The following KCNQ5 variants were observed in gnomAD, a reference collection of about 807,000 sequenced individuals.
KCNQ5 encodes potassium voltage-gated channel subfamily KQT member 5.
In KCNQ5, 30 loss-of-function variants were observed where a neutral mutation model predicts 98.2. That is an observed-to-expected ratio of 0.31 (90% CI 0.23 to 0.41). KCNQ5 has a LOEUF of 0.41. Among genes scored for constraint, KCNQ5 ranks in the 10% least tolerant of loss-of-function variants. The probability of loss-of-function intolerance (pLI) is 1.00; values close to 1 mark genes in which losing one functional copy is unlikely to be tolerated. For synonymous variants in KCNQ5, 458 were observed against 449.4 expected (o/e 1.02, Z -0.24); for missense variants, 835 against 1,182.5 (o/e 0.71, Z 4.31).
intron 1 of KCNQ5, among the ~76,000 whole-genome samples, chr6:72,941,501 TTTTTCTC>T (rs1418743424): frequency 4.5e-4 from 58 of 127,992 alleles, no homozygotes; most frequent in Admixed American, 6.3e-4. Flanking sequence ...CTTTCCTTCC[TTTTTCTC>T]TCCCTCCCTT....
intron 1 of KCNQ5, among the ~76,000 whole-genome samples, chr6:72,663,528 A>G (rs1766634011): frequency 6.6e-6 from 1 of 152,212 alleles, no homozygotes; most frequent in Non-Finnish European, 1.5e-5. Context: ...CTAAAATTAA[A>G]TGAAGTTTTT....
At chr6:72,987,206 G>A in intron 1 of KCNQ5, 1 of 688,622 alleles carries the variant, frequency 1.5e-6, no homozygotes, top group Non-Finnish European at 2.8e-6. Flanking sequence ...AGCCGGCTCT[G>A]AAAAGGAAGA....
chr6:72,928,571 C>T (rs1765544530), intron 1 of KCNQ5, among the ~76,000 whole-genome samples: 1 of 151,840 alleles, frequency 6.6e-6, no homozygotes, highest in South Asian at 2.1e-4. Flanking sequence ...GCAGAAGGCC[C>T]CATAGATTTT....
intron 1 of KCNQ5, among the ~76,000 whole-genome samples, chr6:72,770,014 A>T (rs747152057): frequency 6.6e-6 from 1 of 152,120 alleles, no homozygotes; most frequent in Non-Finnish European, 1.5e-5. Flanking sequence ...CTTTCAATAA[A>T]AGAAACAGAA....
chr6:72,831,400 T>TA (rs1582376016), intron 1 of KCNQ5, among the ~76,000 whole-genome samples: 1 of 151,946 alleles, frequency 6.6e-6, no homozygotes. Context: ...TATGCAGCCA[T>TA]AAAAAAGGAT....
chr6:72,873,519 C>G (rs183287061), intron 1 of KCNQ5, among the ~76,000 whole-genome samples: 86 of 152,172 alleles, frequency 5.7e-4, no homozygotes, highest in African/African-American at 2.0e-3. Context: ...CTTTTATGGA[C>G]AGGAAAAGAA....
intron 5 of KCNQ5, among the ~76,000 whole-genome samples, chr6:73,079,852 C>G (rs1238820717): frequency 6.6e-6 from 1 of 152,182 alleles, no homozygotes; most frequent in Non-Finnish European, 1.5e-5. Flanking sequence ...AAACAGGAGG[C>G]TTTTCTTGCC....
At chr6:72,673,857 A>G (rs572691654) in intron 1 of KCNQ5, among the ~76,000 whole-genome samples, 10 of 152,200 alleles carry the variant, frequency 6.6e-5, no homozygotes, top group Non-Finnish European at 1.2e-4. Context: ...GTTATTTTCT[A>G]TGCTTTGGTA....
rs1027636042 is a variant in KCNQ5 at position 73,071,111 on chromosome 6, C to T, written c.617-6211C>T. Among the ~76,000 whole-genome samples, 41 of 152,080 alleles carry T rather than the reference C, an allele frequency of 2.7e-4. 2 individuals carry two copies. ...CCACTGTATTTGCAAAGATTGAAGA[C>T]TTATAATATCCCAGGTAATAAATGA... On this transcript the variant is annotated intron_variant, in intron 3 of 13. Transcript: ENST00000370398.
chr6:72,946,651 A>G (rs1766560508), intron 1 of KCNQ5, among the ~76,000 whole-genome samples: 5 of 152,224 alleles, frequency 3.3e-5, no homozygotes, highest in Admixed American at 3.3e-4. Context: ...GAAGCCAAAG[A>G]CACATTTATT....
At chr6:73,019,513 G>T (rs565117052) in intron 2 of KCNQ5, among the ~76,000 whole-genome samples, 2 of 152,088 alleles carry the variant, frequency 1.3e-5, no homozygotes, top group Non-Finnish European at 1.5e-5. Flanking sequence ...AGTTTGGCGG[G>T]TATCATCCTT....
In KCNQ5 at chr6:73,198,023, A is replaced by G. The variant is rs756139426; in HGVS notation, c.*2609A>G. 1 of 152,200 alleles carries G rather than the reference A, an allele frequency of 6.6e-6. No homozygotes were observed. Among genetic ancestry groups the G allele is most frequent in the Non-Finnish European group, 1.5e-5 (1 of 68,040 alleles). The allele number at this position is 152,200 out of a possible 1,614,324, so 9.4% of individuals were successfully genotyped here. A position where few individuals can be genotyped will look rare whatever the true frequency, so the allele number is the denominator to read the frequency against. ...CACAAAAATTGGGGGATGTTAAAAG[A>G]TAGTTGTGTGGAAGCTATAAGGTTC... On this transcript the variant is annotated 3_prime_UTR_variant, in exon 14 of 14. Coordinates refer to ENST00000370398, the MANE Select transcript of KCNQ5 (RefSeq NM_019842.4).
At chr6:72,904,796 A>T (rs1288289515) in intron 1 of KCNQ5, among the ~76,000 whole-genome samples, 1 of 152,132 alleles carries the variant, frequency 6.6e-6, no homozygotes, top group African/African-American at 2.4e-5. Context: ...AGTTTTTAAG[A>T]TACTTTCCTT....
intron 1 of KCNQ5, among the ~76,000 whole-genome samples, chr6:72,697,822 G>A (rs1214096775): frequency 2.0e-5 from 3 of 152,072 alleles, no homozygotes; most frequent in Admixed American, 6.6e-5. Flanking sequence ...TGATTATGGC[G>A]ATTATTTCAC....
chr6:72,630,551 C>T (rs983916270), intron 1 of KCNQ5: 2 of 152,140 alleles, frequency 1.3e-5, no homozygotes, highest in African/African-American at 4.8e-5. Flanking sequence ...GAGAATATGA[C>T]AGATTTAGAT....
chr6:73,133,761 ATTGT>A lies in KCNQ5; in HGVS notation c.1468+131_1468+134del, dbSNP rs574755298. On this transcript the variant is annotated intron_variant, in intron 10 of 13. Transcript: ENST00000370398. ...AGAAGAAAACAACCCCAGAGAAAGA[ATTGT>A]TTGTTTGTTTTATTGGAAGTTTATT... 8.8e-5 allele frequency: 81 copies of A among 920,000 alleles called. No individual in the cohort carries two copies. In the South Asian group the frequency reaches 1.1e-3, roughly 12 times the overall value. 57.0% of individuals were successfully genotyped at this position (920,000 alleles called of 1,614,324 possible).
intron 1 of KCNQ5, among the ~76,000 whole-genome samples, chr6:72,978,244 G>GT (rs1768251209): frequency 6.6e-6 from 1 of 152,148 alleles, no homozygotes; most frequent in Non-Finnish European, 1.5e-5. Context: ...ATCTACACTG[G>GT]TTTTTTATCA....
At chr6:72,826,174 C>A (rs542917615) in intron 1 of KCNQ5, among the ~76,000 whole-genome samples, 46 of 152,208 alleles carry the variant, frequency 3.0e-4, no homozygotes, top group African/African-American at 1.0e-3. Flanking sequence ...CCAATTCATT[C>A]GACTCTAACC....
chr6:72,710,485 G>A (rs888180813), intron 1 of KCNQ5, among the ~76,000 whole-genome samples: 25 of 152,278 alleles, frequency 1.6e-4, no homozygotes, highest in African/African-American at 6.0e-4. Flanking sequence ...TGAAAGTGCA[G>A]GAATGGGATA....
Sources: allele counts gnomAD v4.1 joint callset (sites outside exome capture counted in the v4.1 genomes callset), GRCh38; gene constraint gnomAD v4.1.1; transcripts MANE v1.5; gene names NCBI Gene and HGNC (gene_info 2026-07-23, HGNC 2026-07-21).